The following NEK11 variants were observed in gnomAD, a reference collection of about 807,000 sequenced individuals.
NEK11 encodes the protein NIMA related kinase 11, also known as serine/threonine-protein kinase Nek11.
In NEK11, 72 loss-of-function variants were observed where a neutral mutation model predicts 80.7. The observed-to-expected ratio is 0.89, with a 90% CI of 0.74 to 1.08. The LOEUF (loss-of-function observed/expected upper bound fraction) is 1.08. Ranked by LOEUF, NEK11 falls within the 50% of genes least tolerant of loss-of-function variation. The probability of loss-of-function intolerance (pLI) is 0.00; values close to 1 mark genes in which losing one functional copy is unlikely to be tolerated. For missense variants in NEK11, 764 were observed against 763.6 expected (o/e 1.00, Z -0.01); for synonymous variants, 251 against 260.7 (o/e 0.96, Z 0.36).
chr3:131,048,529 G>A (rs567863198), intron 3 of NEK11, among the ~76,000 whole-genome samples: 1 of 152,326 alleles, frequency 6.6e-6, no homozygotes, highest in East Asian at 1.9e-4. Context: ...TCAGCTCCAG[G>A]TAAGGTCAGA....
At chr3:131,114,353 G>A (rs1315460704) in intron 5 of NEK11, among the ~76,000 whole-genome samples, 2 of 152,112 alleles carry the variant, frequency 1.3e-5, no homozygotes, top group Non-Finnish European at 2.9e-5. Context: ...ACTAAAACAT[G>A]TTCTTGCCGA....
rs1376390000 is a variant in NEK11, at chr3:131,061,083, A to G, written c.171-19340A>G. On this transcript the variant is annotated intron_variant, in intron 3 of 17. Coordinates refer to ENST00000383366, the MANE Select transcript of NEK11 (RefSeq NM_024800.5). ...ACCTACAGCTCCGAGAACTCAGCTG[A>G]AACCTGCTATAGATCAAACTTTCCA... Among the ~76,000 whole-genome samples, 3 of 152,204 alleles carry G rather than the reference A, an allele frequency of 2.0e-5. No individual in the cohort carries two copies. The East Asian group carries it at 5.8e-4, about 29-fold the overall frequency.
chr3:131,157,550 A>G (rs1474914152), intron 10 of NEK11, among the ~76,000 whole-genome samples: 1 of 152,214 alleles, frequency 6.6e-6, no homozygotes, highest in Non-Finnish European at 1.5e-5. Flanking sequence ...AGCATGAGGT[A>G]GGGGACAAGA....
At chr3:131,212,329 A>G (rs1403739035) in intron 14 of NEK11, among the ~76,000 whole-genome samples, 5 of 152,152 alleles carry the variant, frequency 3.3e-5, no homozygotes, top group Admixed American at 3.3e-4. Flanking sequence ...AGAACAGCAA[A>G]TATTGCTGCC....
At position 131,155,155 on chromosome 3, in the gene NEK11, G is replaced by A. The variant is rs770603121; in HGVS notation, c.962+34G>A. On this transcript the variant is annotated intron_variant, in intron 10 of 17. Transcript: ENST00000383366. ...TTGCTTTGTTTTTAAAAAGCCCATC[G>A]AGTGTAAATGTTAAATGTATTTGTC... 27 of 1,299,916 alleles carry A rather than the reference G, an allele frequency of 2.1e-5. No homozygotes were observed. In the Middle Eastern group the frequency reaches 5.6e-4, roughly 27 times the overall value. The allele number at this position is 1,299,916 out of a possible 1,614,324, so 80.5% of individuals were successfully genotyped here.
intron 14 of NEK11, among the ~76,000 whole-genome samples, chr3:131,172,281 A>C (rs1488452431): frequency 1.3e-5 from 2 of 152,246 alleles, no homozygotes; most frequent in Non-Finnish European, 2.9e-5. Flanking sequence ...CTGCAAGTGC[A>C]TCCTTATGGC....
chr3:131,064,247 A>G (rs1042140353), intron 3 of NEK11, among the ~76,000 whole-genome samples: 1 of 152,188 alleles, frequency 6.6e-6, no homozygotes, highest in African/African-American at 2.4e-5. Flanking sequence ...CCATAATGAA[A>G]TGCCACAGAC....
At chr3:131,112,156 AC>A (rs1473176195) in intron 5 of NEK11, among the ~76,000 whole-genome samples, 1 of 152,168 alleles carries the variant, frequency 6.6e-6, no homozygotes, top group Non-Finnish European at 1.5e-5. Context: ...AATAGTGAAA[AC>A]ATTAAAAAAT....
chr3:131,147,718 G>A (rs572894617), intron 7 of NEK11, among the ~76,000 whole-genome samples: 114 of 152,084 alleles, frequency 7.5e-4, no homozygotes, highest in African/African-American at 2.4e-3. Context: ...GCAGTCTTGC[G>A]TAATTCCCTC....
chr3:131,119,071 A>G (rs1031495483), intron 5 of NEK11, among the ~76,000 whole-genome samples: 1 of 152,130 alleles, frequency 6.6e-6, no homozygotes, highest in Admixed American at 6.5e-5. Context: ...TAGGGTGTCA[A>G]TTTTAGATCT....
Position 131,098,010 on chromosome 3 carries a change from A to T in NEK11, c.337-11793A>T, listed in dbSNP as rs1183277773. On this transcript the variant is annotated intron_variant, in intron 4 of 17. Transcript: ENST00000383366. ...CTCAGAAATAATGCCGCATATCTAC[A>T]ACTATCTGATCTTTGACAAACCTGA... Among the ~76,000 whole-genome samples, 23 of 145,536 alleles carry T rather than the reference A, an allele frequency of 1.6e-4. 1 individual carries two copies. The highest frequency in any genetic ancestry group is 3.1e-4 in the Non-Finnish European group (20 of 64,476).
At chr3:131,162,287 C>T (rs2091694279) in intron 10 of NEK11, 121 bp from the exon 11 acceptor site, 10 of 1,248,306 alleles carry the variant, frequency 8.0e-6, no homozygotes, top group Non-Finnish European at 8.8e-6. Context: ...TAGTTTTTGC[C>T]TGGCCTGTCT....
At chr3:131,218,242 T>C (rs1052991304) in intron 14 of NEK11, among the ~76,000 whole-genome samples, 5 of 152,166 alleles carry the variant, frequency 3.3e-5, no homozygotes, top group African/African-American at 9.7e-5. Flanking sequence ...ATGTATCTTA[T>C]TGTGGAGAGC....
At chr3:131,063,708 AAGT>A (rs1379878701) in intron 3 of NEK11, among the ~76,000 whole-genome samples, 1 of 152,118 alleles carries the variant, frequency 6.6e-6, no homozygotes, top group Non-Finnish European at 1.5e-5. Context: ...AGTGACATAA[AAGT>A]AGTATTTGAA....
intron 16 of NEK11, among the ~76,000 whole-genome samples, chr3:131,258,545 G>A (rs1377563771): frequency 6.6e-6 from 1 of 152,126 alleles, no homozygotes; most frequent in Non-Finnish European, 1.5e-5. Flanking sequence ...GTTAGGGTCT[G>A]GCTTCCACAA....
At chr3:131,332,869 G>A (rs147013321) in intron 17 of NEK11, among the ~76,000 whole-genome samples, 18,112 of 152,142 alleles carry the variant, frequency 0.12, 1,510 homozygotes, top group East Asian at 0.3. Flanking sequence ...GGGTATCAGT[G>A]ATGGAAGACT....
chr3:131,251,203 A>C (rs1200826675), intron 16 of NEK11, among the ~76,000 whole-genome samples: 5 of 151,552 alleles, frequency 3.3e-5, no homozygotes, highest in African/African-American at 9.7e-5. Context: ...GTAAATACAA[A>C]AAAAAAAAAA....
chr3:131,297,043 T>G (rs2096601695), intron 17 of NEK11, among the ~76,000 whole-genome samples: 1 of 152,234 alleles, frequency 6.6e-6, no homozygotes, highest in Non-Finnish European at 1.5e-5. Context: ...TGCCACATTT[T>G]CTTAATCCAG....
chr3:131,143,707 T>A (rs1016394512), intron 7 of NEK11, among the ~76,000 whole-genome samples: 6 of 152,042 alleles, frequency 3.9e-5, no homozygotes, highest in Non-Finnish European at 8.8e-5. Context: ...TCATAAAAAA[T>A]TGCTATATAA....
Sources: gnomAD v4.1 joint callset for allele counts (sites outside exome capture counted in the v4.1 genomes callset) on GRCh38, gnomAD v4.1.1 for gene constraint, MANE v1.5 for transcripts, NCBI Gene and HGNC (gene_info 2026-07-23, HGNC 2026-07-21) for gene names.